CCDC3: variants seen among roughly 807,000 people sequenced by gnomAD.
CCDC3 encodes coiled-coil domain-containing protein 3.
CCDC3 carries 24 observed loss-of-function variants against 21.4 expected under a neutral mutation model. The ratio of observed to expected loss-of-function variants is 1.12; its 90% CI spans 0.81 to 1.58. The LOEUF is 1.58. Among genes scored for constraint, CCDC3 ranks in the 40% most tolerant of loss-of-function variants. The pLI is 0.00. For missense variants in CCDC3, 425 were observed against 360.9 expected (o/e 1.18, Z -1.44); for synonymous variants, 186 against 166.0 (o/e 1.12, Z -0.93).
At chr10:13,072,201 C>G (rs972195356) in intron 4 of CCDC3, among the ~76,000 whole-genome samples, 2 of 152,088 alleles carry the variant, frequency 1.3e-5, no homozygotes, top group African/African-American at 4.8e-5. Flanking sequence ...CGCCTTCAGG[C>G]TATCAAACTC....
chr10:13,033,230 A>C (rs1455052500), intron 5 of CCDC3, among the ~76,000 whole-genome samples: 3 of 152,240 alleles, frequency 2.0e-5, no homozygotes, highest in Non-Finnish European at 2.9e-5. Flanking sequence ...GACAAAAACA[A>C]GCAATGGGGA....
intron 5 of CCDC3, among the ~76,000 whole-genome samples, chr10:13,022,223 G>T (rs565850): frequency 0.78 from 119,290 of 152,014 alleles, 48,171 homozygotes; most frequent in Non-Finnish European, 0.87. Context: ...CTATGCAGAA[G>T]CTATCTTCTC....
intron 4 of CCDC3, among the ~76,000 whole-genome samples, chr10:13,050,735 A>G (rs1326429945): frequency 6.6e-6 from 1 of 152,126 alleles, no homozygotes; most frequent in Admixed American, 6.5e-5. Flanking sequence ...CTTAGATTAC[A>G]GGCGTGAACC....
At chr10:13,013,919 G>A (rs899998736) in intron 5 of CCDC3, among the ~76,000 whole-genome samples, 1 of 152,176 alleles carries the variant, frequency 6.6e-6, no homozygotes, top group East Asian at 1.9e-4. Context: ...GGGAGGCCGA[G>A]GCAGGGGGAT....
intron 5 of CCDC3, among the ~76,000 whole-genome samples, chr10:13,008,545 C>T (rs576257372): frequency 6.6e-6 from 1 of 152,258 alleles, no homozygotes; most frequent in African/African-American, 2.4e-5. Context: ...GGATGGAAAC[C>T]AGTTTCTCAC....
At chr10:12,974,615 T>C (rs983089953) in intron 2 of CCDC3, among the ~76,000 whole-genome samples, 1 of 152,208 alleles carries the variant, frequency 6.6e-6, no homozygotes, top group African/African-American at 2.4e-5. Context: ...AGCACAGGAC[T>C]GACTGAATTC....
intron 2 of CCDC3, among the ~76,000 whole-genome samples, chr10:12,948,616 T>C (rs886935334): frequency 6.6e-6 from 1 of 151,966 alleles, no homozygotes; most frequent in African/African-American, 2.4e-5. Flanking sequence ...TCAAATAGAG[T>C]TTGCCCTTCT....
At chr10:12,952,769 G>A (rs1432449940) in intron 2 of CCDC3, among the ~76,000 whole-genome samples, 1 of 152,176 alleles carries the variant, frequency 6.6e-6, no homozygotes, top group African/African-American at 2.4e-5. Flanking sequence ...CAGGCCAGGT[G>A]TGACCTCAAA....
intron 2 of CCDC3, among the ~76,000 whole-genome samples, chr10:12,960,587 T>G (rs1195162986): frequency 6.6e-6 from 1 of 152,192 alleles, no homozygotes; most frequent in East Asian, 1.9e-4. Context: ...ACTTTCGTAG[T>G]AGGCTCTAGA....
chr10:13,062,168 A>AC (rs899095755), intron 4 of CCDC3, among the ~76,000 whole-genome samples: 32 of 145,780 alleles, frequency 2.2e-4, no homozygotes, highest in African/African-American at 8.3e-4. Context: ...GACTCCCCAG[A>AC]CCCCTTAGAT....
At chr10:12,902,919 G>A (rs768987391) in intron 2 of CCDC3, among the ~76,000 whole-genome samples, 4 of 152,172 alleles carry the variant, frequency 2.6e-5, no homozygotes, top group Admixed American at 1.3e-4. Flanking sequence ...GTGTGTATCC[G>A]GAGTGGGAGG....
intron 4 of CCDC3, among the ~76,000 whole-genome samples, chr10:13,052,776 C>A (rs1476871689): frequency 2.0e-5 from 3 of 151,952 alleles, no homozygotes; most frequent in Admixed American, 2.0e-4. Context: ...CCTGTCTCTA[C>A]TAAAAATACA....
intron 2 of CCDC3, among the ~76,000 whole-genome samples, chr10:12,904,422 T>C (rs1434417877): frequency 2.3e-5 from 3 of 128,560 alleles, no homozygotes; most frequent in African/African-American, 8.6e-5. Context: ...TGAGCCATGA[T>C]TGCACCACTA....
chr10:12,948,730 T>TTTG (rs1554755967), intron 2 of CCDC3, among the ~76,000 whole-genome samples: 1 of 122,856 alleles, frequency 8.1e-6, no homozygotes, highest in Admixed American at 8.0e-5. Flanking sequence ...TTAAGGCAGT[T>TTTG]TTTTTTTTTT....
chr10:13,001,583 CG>C lies in CCDC3; in HGVS notation c.-14del. ...GCTGGCGCAGCATGCCGGGCCCTCC[CG>C]GGGCGCACGGGGCGGCGGCGGGGAG... On this transcript the variant is annotated 5_prime_UTR_variant, in exon 1 of 3. Coordinates refer to ENST00000378825, the MANE Select transcript of CCDC3 (RefSeq NM_031455.4). 8.5e-7 allele frequency: 1 copy of C among 1,181,242 alleles called. No individual in the cohort carries two copies. The highest frequency in any genetic ancestry group is 3.7e-5 in the East Asian group (1 of 26,838). The allele number at this position is 1,181,242 out of a possible 1,614,324, so 73.2% of individuals were successfully genotyped here. A position where few individuals can be genotyped will look rare whatever the true frequency, so the allele number is the denominator to read the frequency against.
At chr10:13,034,865 A>T (rs374648149) in intron 5 of CCDC3, among the ~76,000 whole-genome samples, 2 of 152,162 alleles carry the variant, frequency 1.3e-5, no homozygotes, top group South Asian at 2.1e-4. Flanking sequence ...TCTTTACTAA[A>T]AATACAAAAA....
intron 2 of CCDC3, among the ~76,000 whole-genome samples, chr10:12,931,456 A>T (rs1194857858): frequency 1.3e-5 from 2 of 152,218 alleles, no homozygotes; most frequent in Non-Finnish European, 2.9e-5. Flanking sequence ...CTTCTGAATG[A>T]ATTTAGAGTC....
At chr10:13,006,254 C>T (rs2184400), upstream of CCDC3, among the ~76,000 whole-genome samples, 122,258 of 152,146 alleles carry the variant, frequency 0.8, 50,101 homozygotes, top group Non-Finnish European at 0.88. Context: ...AAATGCAAAC[C>T]GTTGCTGGCA....
chr10:12,972,695 T>C (rs1835360686), intron 2 of CCDC3, among the ~76,000 whole-genome samples: 3 of 152,182 alleles, frequency 2.0e-5, no homozygotes, highest in African/African-American at 7.2e-5. Context: ...TGGGTACCTG[T>C]AACCCCAGCT....
Sources: allele counts gnomAD v4.1 joint callset (sites outside exome capture counted in the v4.1 genomes callset), GRCh38; gene constraint gnomAD v4.1.1; transcripts MANE v1.5; gene names NCBI Gene and HGNC (gene_info 2026-07-23, HGNC 2026-07-21).